Variants in NDC1 observed in about 807,000 individuals in gnomAD.
NDC1 encodes the protein nucleoporin NDC1.
Under a neutral mutation model 89.8 loss-of-function variants are expected in NDC1, and 24 were observed. The ratio of observed to expected loss-of-function variants is 0.27; its 90% CI spans 0.19 to 0.38. NDC1 has a LOEUF of 0.38. Among genes scored for constraint, NDC1 ranks in the 10% least tolerant of loss-of-function variants. NDC1 has a pLI of 1.00. For missense variants in NDC1, 728 were observed against 797.6 expected (o/e 0.91, Z 1.05); for synonymous variants, 296 against 284.8 (o/e 1.04, Z -0.39).
At chr1:53,833,313 T>C (rs1362860232) in intron 2 of NDC1, among the ~76,000 whole-genome samples, 1 of 152,042 alleles carries the variant, frequency 6.6e-6, no homozygotes, top group African/African-American at 2.4e-5. Context: ...ATGCCCGCCA[T>C]GGCTATTTTT....
intron 3 of NDC1, among the ~76,000 whole-genome samples, chr1:53,829,486 T>G (rs1648981757): frequency 6.6e-6 from 1 of 152,256 alleles, no homozygotes; most frequent in African/African-American, 2.4e-5. Flanking sequence ...AGTTCCCCCA[T>G]GCTGGGGCAA....
chr1:53,781,093 C>A (rs1647202971), intron 16 of NDC1, among the ~76,000 whole-genome samples: 1 of 152,034 alleles, frequency 6.6e-6, no homozygotes, highest in Non-Finnish European at 1.5e-5. Flanking sequence ...TGACCTCAAG[C>A]TATCCTCCTG....
intron 17 of NDC1, among the ~76,000 whole-genome samples, chr1:53,770,541 A>G (rs1362376682): frequency 6.6e-6 from 1 of 152,160 alleles, no homozygotes; most frequent in African/African-American, 2.4e-5. Flanking sequence ...TCCTGACCTC[A>G]GATGATCCGC....
chr1:53,785,103 T>C (rs1405086058), intron 16 of NDC1, among the ~76,000 whole-genome samples: 1 of 152,166 alleles, frequency 6.6e-6, no homozygotes, highest in African/African-American at 2.4e-5. Flanking sequence ...TAAGTCACTG[T>C]ACTACTAAGC....
intron 2 of NDC1, among the ~76,000 whole-genome samples, chr1:53,834,539 T>C (rs193214022): frequency 1.3e-5 from 2 of 152,306 alleles, no homozygotes; most frequent in African/African-American, 4.8e-5. Flanking sequence ...AAAACTCAAC[T>C]TCCCACTTTA....
chr1:53,826,396 G>A (rs772484498), intron 4 of NDC1, among the ~76,000 whole-genome samples: 2 of 152,208 alleles, frequency 1.3e-5, no homozygotes, highest in African/African-American at 2.4e-5. Context: ...AGCAGATAGA[G>A]TCCCATACAT....
At chr1:53,788,169 C>T (rs554294385) in intron 15 of NDC1, among the ~76,000 whole-genome samples, 6 of 152,250 alleles carry the variant, frequency 3.9e-5, no homozygotes, top group African/African-American at 1.4e-4. Flanking sequence ...TGGCATGCAC[C>T]TGTAGTCCAA....
intron 8 of NDC1, among the ~76,000 whole-genome samples, chr1:53,807,196 A>G (rs547889285): frequency 1.0e-3 from 149 of 142,246 alleles, no homozygotes; most frequent in African/African-American, 3.8e-3. Flanking sequence ...GCAGTGAGCC[A>G]AGATCAGGCC....
Position 53,766,354 on chromosome 1 carries a change from G to A in NDC1, c.*1616C>T, listed in dbSNP as rs1647066014. 1 of 152,134 alleles carries A rather than the reference G, an allele frequency of 6.6e-6. No homozygotes were observed. Among genetic ancestry groups the A allele is most frequent in the African/African-American group, 2.4e-5 (1 of 41,430 alleles). The allele number at this position is 152,134 out of a possible 1,614,324, so 9.4% of individuals were successfully genotyped here. ...CAGCACAGAGAGTGGAATATAAAAA[G>A]CTTAATTGTGTTAATACATGGAAGA... On this transcript the variant is annotated 3_prime_UTR_variant, in exon 18 of 18. Coordinates refer to ENST00000371429, the MANE Select transcript of NDC1 (RefSeq NM_018087.5).
chr1:53,828,499 A>AT (rs397700607), intron 3 of NDC1, among the ~76,000 whole-genome samples: 5,211 of 150,274 alleles, frequency 0.035, 328 homozygotes, highest in African/African-American at 0.12. Context: ...AAGAATAATG[A>AT]TTTTTTTTTT....
rs372424808 is a variant in NDC1, at chr1:53,809,674, G to T, written c.755+21C>A. The T allele has an allele frequency of 6.3e-5, 98 of 1,550,766 alleles. No homozygotes were observed. In the African/African-American group the frequency reaches 1.2e-3, roughly 19 times the overall value. On this transcript the variant is annotated intron_variant, in intron 7 of 17. Transcript: ENST00000371429. ...AAGAATGGAAACAGAGTTAAAATTA[G>T]ACTTTTTAGGTATCACTTACTCATC...
intron 7 of NDC1, 30 bp from the exon 8 acceptor site, chr1:53,807,821 C>G (rs752316248): frequency 1.9e-6 from 3 of 1,574,542 alleles, no homozygotes; most frequent in Non-Finnish European, 2.6e-6. Flanking sequence ...TATTAATCCT[C>G]TAGGAAAAAT....
intron 10 of NDC1, among the ~76,000 whole-genome samples, chr1:53,801,502 T>G (rs1647916563): frequency 6.6e-6 from 1 of 152,190 alleles, no homozygotes; most frequent in Non-Finnish European, 1.5e-5. Flanking sequence ...CGCCTAGAGT[T>G]ATTATATAAA....
intron 14 of NDC1, among the ~76,000 whole-genome samples, chr1:53,791,529 C>T (rs551595691): frequency 6.6e-6 from 1 of 152,268 alleles, no homozygotes; most frequent in African/African-American, 2.4e-5. Flanking sequence ...TAACGTACCA[C>T]CATGGAATAG....
intron 15 of NDC1, among the ~76,000 whole-genome samples, chr1:53,787,788 A>G (rs1647352619): frequency 6.6e-6 from 1 of 151,306 alleles, no homozygotes; most frequent in Non-Finnish European, 1.5e-5. Flanking sequence ...ATAAAATAAC[A>G]GTCTCTGGCT....
intron 9 of NDC1, among the ~76,000 whole-genome samples, chr1:53,805,800 C>T (rs554497816): frequency 7.7e-4 from 118 of 152,288 alleles, no homozygotes; most frequent in Non-Finnish European, 1.4e-3. Flanking sequence ...ATTGGCCGGG[C>T]GCGGTGGCTC....
At chr1:53,814,309 C>T (rs187588851) in intron 6 of NDC1, among the ~76,000 whole-genome samples, 101 of 152,138 alleles carry the variant, frequency 6.6e-4, no homozygotes, top group Non-Finnish European at 1.1e-3. Flanking sequence ...GAGTCAAGAT[C>T]GCGCCATCGC....
At chr1:53,813,827 T>G (rs1229756597) in intron 6 of NDC1, among the ~76,000 whole-genome samples, 1 of 152,170 alleles carries the variant, frequency 6.6e-6, no homozygotes, top group Non-Finnish European at 1.5e-5. Context: ...GAATACACAT[T>G]CTATTCAACA....
intron 7 of NDC1, 39 bp downstream of exon 7, chr1:53,809,656 G>C (rs779985199): frequency 1.4e-6 from 2 of 1,420,072 alleles, no homozygotes; most frequent in East Asian, 2.3e-5. Flanking sequence ...TAAAAGAATG[G>C]AAACAGAGTT....
Sources: allele counts gnomAD v4.1 joint callset (sites outside exome capture counted in the v4.1 genomes callset), GRCh38; gene constraint gnomAD v4.1.1; transcripts MANE v1.5; gene names NCBI Gene and HGNC (gene_info 2026-07-23, HGNC 2026-07-21).